NRG1: variants seen among roughly 807,000 people sequenced by gnomAD.
NRG1 encodes the protein pro-neuregulin-1, membrane-bound isoform.
Under a neutral mutation model 63.8 loss-of-function variants are expected in NRG1, and 18 were observed. That is an observed-to-expected ratio of 0.28 (90% CI 0.19 to 0.42). NRG1 has a LOEUF of 0.42. Among genes scored for constraint, NRG1 ranks in the 10% least tolerant of loss-of-function variants. The pLI is 1.00. For synonymous variants in NRG1, 302 were observed against 301.3 expected (o/e 1.00, Z -0.02); for missense variants, 762 against 814.7 (o/e 0.94, Z 0.79).
intron 1 of NRG1, among the ~76,000 whole-genome samples, chr8:32,443,338 T>C (rs1366628391): frequency 6.6e-6 from 1 of 152,182 alleles, no homozygotes; most frequent in Admixed American, 6.5e-5. Flanking sequence ...TTCACATCTT[T>C]CATTACAGGC....
At chr8:32,187,833 C>T (rs1486351796) in intron 1 of NRG1, among the ~76,000 whole-genome samples, 1 of 152,164 alleles carries the variant, frequency 6.6e-6, no homozygotes, top group Non-Finnish European at 1.5e-5. Context: ...CAGTTTTATT[C>T]TTGTTTTTAA....
intron 1 of NRG1, among the ~76,000 whole-genome samples, chr8:32,577,054 T>G (rs886800123): frequency 6.6e-6 from 1 of 152,156 alleles, no homozygotes; most frequent in Non-Finnish European, 1.5e-5. Context: ...CTCCTACTTA[T>G]AAGTGAGAGC....
intron 5 of NRG1, among the ~76,000 whole-genome samples, chr8:32,709,119 T>G (rs959897340): frequency 2.0e-5 from 3 of 152,248 alleles, no homozygotes; most frequent in African/African-American, 7.2e-5. Flanking sequence ...TAATTACTTT[T>G]TATTGATTTC....
chr8:32,407,327 A>ATATATATG (rs1814218100), intron 1 of NRG1, among the ~76,000 whole-genome samples: 3 of 108,384 alleles, frequency 2.8e-5, no homozygotes, highest in South Asian at 5.7e-4. Flanking sequence ...TATTATATAT[A>ATATATATG]TATATGGCCA....
chr8:31,728,372 G>A (rs780787892), intron 1 of NRG1, among the ~76,000 whole-genome samples: 1 of 152,158 alleles, frequency 6.6e-6, no homozygotes, highest in Non-Finnish European at 1.5e-5. Flanking sequence ...GCTGAGGCAG[G>A]ATAATCGCTT....
intron 1 of NRG1, among the ~76,000 whole-genome samples, chr8:31,961,927 G>A (rs1021900983): frequency 2.6e-5 from 4 of 152,088 alleles, no homozygotes; most frequent in Admixed American, 6.5e-5. Flanking sequence ...AGTAGATTAT[G>A]TTTGGGTTTG....
intron 1 of NRG1, among the ~76,000 whole-genome samples, chr8:32,263,919 G>A (rs79560322): frequency 1.3e-5 from 2 of 152,152 alleles, no homozygotes; most frequent in African/African-American, 4.8e-5. Context: ...GGGGAGAGCT[G>A]AGGGTATTTA....
At chr8:31,791,589 G>T (rs895656622) in intron 1 of NRG1, among the ~76,000 whole-genome samples, 7 of 152,144 alleles carry the variant, frequency 4.6e-5, no homozygotes, top group Admixed American at 1.3e-4. Context: ...TGTCTCAGTA[G>T]ACCAAACTTA....
intron 1 of NRG1, among the ~76,000 whole-genome samples, chr8:31,871,984 A>C (rs750878267): frequency 6.6e-6 from 1 of 152,074 alleles, no homozygotes; most frequent in South Asian, 2.1e-4. Flanking sequence ...GTATTGCCTC[A>C]TGTTAATCAG....
chr8:31,999,082 C>T (rs758527343), intron 1 of NRG1, among the ~76,000 whole-genome samples: 13 of 151,334 alleles, frequency 8.6e-5, no homozygotes, highest in Non-Finnish European at 1.5e-4. Context: ...AACATCACCA[C>T]GAGGATTTCT....
intron 1 of NRG1, among the ~76,000 whole-genome samples, chr8:32,579,361 C>T (rs1200509810): frequency 1.3e-5 from 2 of 152,130 alleles, no homozygotes; most frequent in Admixed American, 6.6e-5. Context: ...TAGAGCGTAA[C>T]AGCACTGGGA....
chr8:32,024,009 G>C (rs1219526094), intron 1 of NRG1, among the ~76,000 whole-genome samples: 1 of 152,098 alleles, frequency 6.6e-6, no homozygotes, highest in African/African-American at 2.4e-5. Context: ...AACATTATGC[G>C]GCCAAGAGGT....
chr8:31,774,859 C>CA (rs2131587010), intron 1 of NRG1, among the ~76,000 whole-genome samples: 1 of 152,178 alleles, frequency 6.6e-6, no homozygotes, highest in African/African-American at 2.4e-5. Flanking sequence ...CAGAGACATG[C>CA]AAATTAAAAC....
chr8:32,730,392 G>T (rs1823336407), intron 6 of NRG1, among the ~76,000 whole-genome samples: 1 of 152,162 alleles, frequency 6.6e-6, no homozygotes, highest in South Asian at 2.1e-4. Context: ...GGTTGAGCCT[G>T]CAGTGAGCCA....
intron 1 of NRG1, among the ~76,000 whole-genome samples, chr8:32,011,541 C>T (rs1388026529): frequency 6.6e-6 from 1 of 152,118 alleles, no homozygotes; most frequent in Non-Finnish European, 1.5e-5. Context: ...CACGTCCTGT[C>T]ACTTTTGCAG....
intron 1 of NRG1, among the ~76,000 whole-genome samples, chr8:32,266,894 A>G (rs1293185861): frequency 4.6e-5 from 7 of 151,114 alleles, no homozygotes; most frequent in Middle Eastern, 3.4e-3. Context: ...AAAAAAAAAA[A>G]AAAAATTAGC....
At chr8:31,669,470 C>A (rs1043588279) in intron 1 of NRG1, among the ~76,000 whole-genome samples, 1 of 152,138 alleles carries the variant, frequency 6.6e-6, no homozygotes, top group African/African-American at 2.4e-5. Flanking sequence ...AACTCCTGGG[C>A]TCAAGCAACC....
rs549182955 is a variant in NRG1, at chr8:32,538,997, G to A, written c.38-56831G>A. ...AGTTTTGAGTTGGGTCTGGAAGAAT[G>A]GAACTTTAGCAGGCAGAAAAGGAGA... On this transcript the variant is annotated intron_variant, in intron 1 of 10. Transcript: ENST00000519301. Among the ~76,000 whole-genome samples, 3 of 152,264 alleles carry A rather than the reference G, an allele frequency of 2.0e-5. No individual in the cohort carries two copies. The East Asian group carries it at 5.8e-4, about 29-fold the overall frequency.
At chr8:32,321,152 A>G (rs898902869) in intron 1 of NRG1, among the ~76,000 whole-genome samples, 1 of 152,196 alleles carries the variant, frequency 6.6e-6, no homozygotes, top group Non-Finnish European at 1.5e-5. Flanking sequence ...GAGATATAGT[A>G]TCAATTAAAC....
Sources: allele counts gnomAD v4.1 joint callset (sites outside exome capture counted in the v4.1 genomes callset), GRCh38; gene constraint gnomAD v4.1.1; transcripts MANE v1.5; gene names NCBI Gene and HGNC (gene_info 2026-07-23, HGNC 2026-07-21).